The following SWT1 variants were observed in gnomAD, a reference collection of about 807,000 sequenced individuals.
The protein encoded by SWT1 is transcriptional protein SWT1.
A neutral mutation model predicts 107.3 loss-of-function variants in SWT1; 33 were observed. The ratio of observed to expected loss-of-function variants is 0.31; its 90% CI spans 0.23 to 0.41. The LOEUF (loss-of-function observed/expected upper bound fraction) is 0.41. Ranked by LOEUF, SWT1 falls within the 10% of genes least tolerant of loss-of-function variation. The pLI, the probability that SWT1 is intolerant of heterozygous loss-of-function variation, is 1.00. For missense variants in SWT1, 898 were observed against 1,028.9 expected (o/e 0.87, Z 1.74); for synonymous variants, 345 against 348.3 (o/e 0.99, Z 0.11).
At chr1:185,189,973 C>T (rs1221276208) in intron 9 of SWT1, among the ~76,000 whole-genome samples, 7 of 151,726 alleles carry the variant, frequency 4.6e-5, no homozygotes, top group Non-Finnish European at 8.8e-5. Flanking sequence ...CTCAGATTCC[C>T]AGTAGCTGGG....
chr1:185,167,080 G>T (rs955342337), intron 3 of SWT1, among the ~76,000 whole-genome samples: 2 of 152,004 alleles, frequency 1.3e-5, no homozygotes, highest in Non-Finnish European at 2.9e-5. Flanking sequence ...GCTAATTTTT[G>T]TATTTTTAGT....
chr1:185,287,791 C>G (rs1665031685), intron 18 of SWT1, among the ~76,000 whole-genome samples: 2 of 152,158 alleles, frequency 1.3e-5, no homozygotes, highest in Non-Finnish European at 2.9e-5. Context: ...GAAAAACAGC[C>G]AATACTTTTC....
intron 16 of SWT1, among the ~76,000 whole-genome samples, chr1:185,247,570 T>A (rs1661703171): frequency 6.6e-6 from 1 of 152,216 alleles, no homozygotes; most frequent in Non-Finnish European, 1.5e-5. Context: ...GCTACCTCAA[T>A]TATAAGGGAA....
intron 17 of SWT1, among the ~76,000 whole-genome samples, chr1:185,273,530 G>A (rs1005545672): frequency 1.3e-5 from 2 of 151,532 alleles, no homozygotes; most frequent in Non-Finnish European, 2.9e-5. Flanking sequence ...GTGAAACCCC[G>A]TCTCTACTAA....
At chr1:185,252,310 C>T (rs899314702) in intron 16 of SWT1, among the ~76,000 whole-genome samples, 4 of 152,022 alleles carry the variant, frequency 2.6e-5, no homozygotes, top group African/African-American at 9.7e-5. Flanking sequence ...AATGGGATGG[C>T]TGGGTCAAAT....
intron 15 of SWT1, among the ~76,000 whole-genome samples, chr1:185,225,293 ATGT>A (rs1190297488): frequency 2.0e-5 from 3 of 152,048 alleles, no homozygotes; most frequent in African/African-American, 2.4e-5. Context: ...GAACTTTTAA[ATGT>A]GTGGTTGGAT....
chr1:185,282,088 C>T (rs1301611907), intron 18 of SWT1, among the ~76,000 whole-genome samples: 1 of 152,160 alleles, frequency 6.6e-6, no homozygotes, highest in African/African-American at 2.4e-5. Flanking sequence ...GAGAAGTCAA[C>T]ATAACATTTT....
chr1:185,236,041 TAAGAG>T (rs974930973), intron 16 of SWT1, among the ~76,000 whole-genome samples: 12 of 152,060 alleles, frequency 7.9e-5, no homozygotes, highest in African/African-American at 2.9e-4. Context: ...CTCAAAGAAA[TAAGAG>T]AAGACACAAA....
chr1:185,250,897 A>AG (rs1661963274), intron 16 of SWT1, among the ~76,000 whole-genome samples: 1 of 152,182 alleles, frequency 6.6e-6, no homozygotes, highest in African/African-American at 2.4e-5. Flanking sequence ...TCCTGACCTC[A>AG]GGTTATCTGG....
chr1:185,196,863 T>C (rs1320445960), intron 10 of SWT1, among the ~76,000 whole-genome samples: 1 of 150,548 alleles, frequency 6.6e-6, no homozygotes, highest in Non-Finnish European at 1.5e-5. Flanking sequence ...AAAATATTTA[T>C]ATATTTAGAA....
intron 18 of SWT1, among the ~76,000 whole-genome samples, chr1:185,277,687 C>T (rs1664337503): frequency 6.6e-6 from 1 of 152,190 alleles, no homozygotes; most frequent in Non-Finnish European, 1.5e-5. Flanking sequence ...ACCATGTTTT[C>T]AAGAACAACT....
intron 15 of SWT1, among the ~76,000 whole-genome samples, chr1:185,228,842 A>T: frequency 6.6e-6 from 1 of 152,204 alleles, no homozygotes; most frequent in East Asian, 1.9e-4. Context: ...ATAGTTATTT[A>T]CAGGAAAAGC....
At chr1:185,203,377 A>G (rs535277517) in intron 11 of SWT1, among the ~76,000 whole-genome samples, 1 of 152,234 alleles carries the variant, frequency 6.6e-6, no homozygotes, top group South Asian at 2.1e-4. Context: ...TAATCCCAGC[A>G]CTTTGGGAGG....
In SWT1 at chr1:185,214,573, C is replaced by T; in HGVS notation, c.2039C>T (p.Ala680Val). ...CAGGATTCTAGAAGTTTGTTACATG[C>T]TTTCAGTACAAGGTCAAATTATGAT... Reference protein sequence around the residue: ...LLQDSRSLLHAFSTRSNYDGI... With the variant: ...LLQDSRSLLHVFSTRSNYDGI... Residue 680 changes from alanine (A) to valine (V), a missense_variant, in exon 14 of 19, where the codon GCT becomes GTT. Around this residue, in one of 6 missense-constraint regions of SWT1, gnomAD observed 382 missense variants for 460.0 expected, o/e 0.83. Coordinates refer to ENST00000367500, the MANE Select transcript of SWT1 (RefSeq NM_017673.7). 1 of 1,611,884 alleles carries T rather than the reference C, an allele frequency of 6.2e-7. No individual in the cohort carries two copies. The highest frequency in any genetic ancestry group is 8.5e-7 in the Non-Finnish European group (1 of 1,178,748).
intron 2 of SWT1, among the ~76,000 whole-genome samples, chr1:185,163,897 G>C (rs1294381345): frequency 1.3e-5 from 2 of 152,172 alleles, no homozygotes; most frequent in African/African-American, 4.8e-5. Flanking sequence ...GTTCTAAATG[G>C]CATCTAGAAT....
In SWT1 at chr1:185,290,818, CTT is replaced by C; in HGVS notation, c.*17_*18del. The C allele has an allele frequency of 6.3e-7, 1 of 1,592,324 alleles. No homozygotes were observed. Among genetic ancestry groups the C allele is most frequent in the Non-Finnish European group, 8.6e-7 (1 of 1,169,078 alleles). ...ATAGGATATAAGTACTGATTTGTAACTTTAAAGGAATTGCATTTGTCCTTAAG... is the reference window on the plus strand; with the variant it reads ...ATAGGATATAAGTACTGATTTGTAACTAAAGGAATTGCATTTGTCCTTAAG... On this transcript the variant is annotated 3_prime_UTR_variant, in exon 19 of 19. Transcript: ENST00000367500.
intron 17 of SWT1, among the ~76,000 whole-genome samples, chr1:185,275,198 A>G (rs1260765267): frequency 1.3e-5 from 2 of 152,000 alleles, no homozygotes; most frequent in Admixed American, 6.6e-5. Context: ...TCATCCTCTG[A>G]CCAAATGTCT....
At chr1:185,175,308 C>T (rs1203763914) in intron 5 of SWT1, among the ~76,000 whole-genome samples, 195 bp downstream of exon 5, 3 of 151,646 alleles carry the variant, frequency 2.0e-5, no homozygotes, top group African/African-American at 7.3e-5. Context: ...CTCACTGCAG[C>T]CTTGACCTCC....
intron 18 of SWT1, among the ~76,000 whole-genome samples, chr1:185,277,012 TATTA>T (rs1243454974): frequency 1.3e-5 from 2 of 152,174 alleles, no homozygotes; most frequent in Non-Finnish European, 2.9e-5. Flanking sequence ...AATGTTTATT[TATTA>T]ATTCATTTAA....
Sources: gnomAD v4.1 joint callset for allele counts (sites outside exome capture counted in the v4.1 genomes callset) on GRCh38, gnomAD v4.1.1 for gene constraint, gnomAD v4.1.1 regional missense constraint, MANE v1.5 for transcripts, NCBI Gene and HGNC (gene_info 2026-07-23, HGNC 2026-07-21) for gene names.